Variants in MYBPC1 observed in about 807,000 individuals in gnomAD.
The protein encoded by MYBPC1 is myosin binding protein C1.
In MYBPC1, 52 loss-of-function variants were observed where a neutral mutation model predicts 147.1. The ratio of observed to expected loss-of-function variants is 0.35; its 90% CI spans 0.28 to 0.45. MYBPC1 has a LOEUF of 0.45. Ranked by LOEUF, MYBPC1 falls within the 20% of genes least tolerant of loss-of-function variation. The probability of loss-of-function intolerance (pLI) is 1.00; values close to 1 mark genes in which losing one functional copy is unlikely to be tolerated. For missense variants in MYBPC1, 1,228 were observed against 1,440.3 expected, an observed-to-expected ratio of 0.85 and a Z score of 2.39; for synonymous variants, 477 against 475.9, an observed-to-expected ratio of 1.00 and a Z score of -0.03.
Position 101,684,258 on chromosome 12 carries a change from G to A in MYBPC1, c.3493-124G>A, listed in dbSNP as rs2136951350. 4 of 800,612 alleles carry A rather than the reference G, an allele frequency of 5.0e-6. No individual in the cohort carries two copies. In the South Asian group the frequency reaches 5.5e-5, roughly 11 times the overall value. The allele number at this position is 800,612 out of a possible 1,614,324, so 49.6% of individuals were successfully genotyped here. A position where few individuals can be genotyped will look rare whatever the true frequency, so the allele number is the denominator to read the frequency against. ...TTCCTACATCTTTTACATGACTAAG[G>A]ATTAATGAAATCACCTCTTCATAAT... On this transcript the variant is annotated intron_variant, in intron 30 of 31. Transcript: ENST00000361466.
intron 3 of MYBPC1, among the ~76,000 whole-genome samples, chr12:101,625,085 C>T (rs928786558): frequency 2.6e-5 from 4 of 151,890 alleles, no homozygotes; most frequent in Admixed American, 1.3e-4. Context: ...GTTTAAAAAT[C>T]GGGGCTGTTA....
Position 101,673,156 on chromosome 12 carries a change from T to A in MYBPC1, c.2614-271T>A, listed in dbSNP as rs185297353. On this transcript the variant is annotated intron_variant, in intron 24 of 31. Coordinates refer to ENST00000361466, the MANE Select transcript of MYBPC1 (RefSeq NM_002465.4). Reference sequence around the variant, plus strand: ...CCTAACTGCAGGACCTTGGACAAATTATTTAACTTCTCTATCCAAAAAATG... The same window carrying A: ...CCTAACTGCAGGACCTTGGACAAATAATTTAACTTCTCTATCCAAAAAATG... Among the ~76,000 whole-genome samples, 384 of 152,266 alleles carry A rather than the reference T, an allele frequency of 2.5e-3. 2 individuals carry two copies. Among genetic ancestry groups the A allele is most frequent in the South Asian group, 8.1e-3 (39 of 4,814 alleles).
downstream of MYBPC1, among the ~76,000 whole-genome samples, chr12:101,688,883 G>T (rs1412348627): frequency 4.0e-5 from 6 of 150,798 alleles, no homozygotes; most frequent in Non-Finnish European, 7.4e-5. Context: ...AACCCAGGAG[G>T]TGGAGATTGC....
At position 101,666,610 on chromosome 12, in the gene MYBPC1, C is replaced by T. The variant is rs763226808; in HGVS notation, c.2357-1122C>T. On this transcript the variant is annotated intron_variant, in intron 22 of 31. Transcript: ENST00000361466. The stretch of plus-strand genomic sequence containing the variant: ...CCCCCTAACACCGTTTGGTCTCTTC[C>T]GTCACTGCTCTGAGGACAAATCTCT... 455 of 893,308 alleles carry T rather than the reference C, an allele frequency of 5.1e-4. 1 individual carries two copies. The highest frequency in any genetic ancestry group is 1.8e-3 in the Middle Eastern group (8 of 4,432). The allele number at this position is 893,308 out of a possible 1,614,324, so 55.3% of individuals were successfully genotyped here. A position where few individuals can be genotyped will look rare whatever the true frequency, so the allele number is the denominator to read the frequency against.
the MYBPC1 span, among the ~76,000 whole-genome samples, chr12:101,693,314 T>G: frequency 6.6e-6 from 1 of 152,210 alleles, no homozygotes; most frequent in East Asian, 1.9e-4. Flanking sequence ...TCTATATCTA[T>G]GTAGATATAT....
intron 6 of MYBPC1, among the ~76,000 whole-genome samples, chr12:101,630,561 A>G (rs1378475354): frequency 6.6e-6 from 1 of 151,700 alleles, no homozygotes; most frequent in East Asian, 1.9e-4. Context: ...CCATAAGATG[A>G]TTCCAAATCT....
chr12:101,624,657 A>G (rs1888137694), intron 3 of MYBPC1, among the ~76,000 whole-genome samples: 1 of 150,062 alleles, frequency 6.7e-6, no homozygotes, highest in Non-Finnish European at 1.5e-5. Context: ...CTCAGTGTGC[A>G]AATAATATAC....
chr12:101,627,865 A>G (rs962849716), intron 5 of MYBPC1, 61 bp downstream of exon 5: 47 of 1,517,706 alleles, frequency 3.1e-5, no homozygotes, highest in South Asian at 2.4e-4. Context: ...TAATGAGCTC[A>G]TTTCTTGAAG....
chr12:101,667,673 A>G, intron 22 of MYBPC1, 59 bp from the exon 23 acceptor site: 2 of 1,589,554 alleles, frequency 1.3e-6, no homozygotes, highest in South Asian at 2.2e-5. Context: ...AATGGTTAAG[A>G]TGATTTTTTT....
chr12:101,689,693 G>C (rs1255335383), downstream of MYBPC1, among the ~76,000 whole-genome samples: 1 of 152,214 alleles, frequency 6.6e-6, no homozygotes, highest in African/African-American at 2.4e-5. Flanking sequence ...TATGGAAGCT[G>C]AGACATCCCA....
chr12:101,684,119 A>T (rs1357847802), intron 30 of MYBPC1, among the ~76,000 whole-genome samples: 1 of 152,160 alleles, frequency 6.6e-6, no homozygotes, highest in East Asian at 1.9e-4. Context: ...TACAATCAGA[A>T]TGACTTTGCC....
intron 18 of MYBPC1, among the ~76,000 whole-genome samples, chr12:101,657,363 C>A (rs1222303839): frequency 3.3e-5 from 5 of 151,916 alleles, no homozygotes; most frequent in African/African-American, 9.7e-5. Context: ...CAAATTAGTG[C>A]AGAAATAAAT....
At chr12:101,651,515 T>A in intron 16 of MYBPC1, 122 bp downstream of exon 16, 1 of 1,311,724 alleles carries the variant, frequency 7.6e-7, no homozygotes, top group Non-Finnish European at 1.1e-6. Flanking sequence ...CTATTCCTGA[T>A]TCTTCGCTTC....
intron 3 of MYBPC1, among the ~76,000 whole-genome samples, chr12:101,623,060 G>T (rs757200813): frequency 2.0e-5 from 3 of 152,050 alleles, no homozygotes; most frequent in African/African-American, 7.2e-5. Flanking sequence ...TGCCGGCCAG[G>T]TGCTGTGCCT....
At chr12:101,635,856 A>G (rs1034672630) in intron 9 of MYBPC1, among the ~76,000 whole-genome samples, 14 of 152,216 alleles carry the variant, frequency 9.2e-5, no homozygotes, top group African/African-American at 3.4e-4. Context: ...TTAAAAAATT[A>G]AACATGTAAG....
chr12:101,675,293 C>T lies in MYBPC1; in HGVS notation c.2811C>T (p.Asp937=), dbSNP rs145689831. Residue 937 remains aspartate (D), a splice_region_variant and synonymous_variant, in exon 26 of 32, where the codon GAC becomes GAT. Transcript: ENST00000361466. ...ETASIDIQII[D]RPGPPQIVKI... is the part of the protein sequence containing the mutation. ...TGACACCATGAATTCATCCTGTAGA[C>T]CGTCCAGGTCCACCCCAAATTGTGA... 9.3e-6 allele frequency: 15 copies of T among 1,613,994 alleles called. No individual in the cohort carries two copies. The highest frequency in any genetic ancestry group is 1.3e-5 in the Non-Finnish European group (15 of 1,179,950).
At chr12:101,615,960 G>A (rs1053986792) in intron 2 of MYBPC1, among the ~76,000 whole-genome samples, 33 of 151,890 alleles carry the variant, frequency 2.2e-4, no homozygotes, top group African/African-American at 8.0e-4. Flanking sequence ...GAGCGCAGTG[G>A]CACCATCACA....
At chr12:101,637,531 CT>C (rs1159850422) in intron 10 of MYBPC1, among the ~76,000 whole-genome samples, 3 of 152,082 alleles carry the variant, frequency 2.0e-5, no homozygotes, top group Non-Finnish European at 2.9e-5. Context: ...AAAAGAAACA[CT>C]TTTTTTCTGA....
intron 1 of MYBPC1, among the ~76,000 whole-genome samples, chr12:101,602,094 C>T (rs1364085593): frequency 6.6e-6 from 1 of 152,190 alleles, no homozygotes. Context: ...GCACCATAGA[C>T]TGAATTACTT....
Sources: gnomAD v4.1 joint callset for allele counts (sites outside exome capture counted in the v4.1 genomes callset) on GRCh38, gnomAD v4.1.1 for gene constraint, MANE v1.5 for transcripts, NCBI Gene and HGNC (gene_info 2026-07-23, HGNC 2026-07-21) for gene names.